Variants in DOCK8 observed in about 807,000 individuals in gnomAD.
The protein encoded by DOCK8 is dedicator of cytokinesis 8, also known as dedicator of cytokinesis protein 8.
Under a neutral mutation model 245.6 loss-of-function variants are expected in DOCK8, and 141 were observed. The ratio of observed to expected loss-of-function variants is 0.57; its 90% CI spans 0.50 to 0.66. The LOEUF is 0.66. DOCK8 is among the 30% of genes least tolerant of loss of function. The pLI, the probability that DOCK8 is intolerant of heterozygous loss-of-function variation, is 0.00. For synonymous variants in DOCK8, 1,168 were observed against 970.2 expected (o/e 1.20, Z -3.79); for missense variants, 2,965 against 2,603.4 (o/e 1.14, Z -3.02).
At chr9:414,231 A>G (rs1433793121) in intron 28 of DOCK8, among the ~76,000 whole-genome samples, 1 of 152,250 alleles carries the variant, frequency 6.6e-6, no homozygotes, top group Non-Finnish European at 1.5e-5. Context: ...TTGTATACAC[A>G]TACTCATAGC....
At chr9:230,486 A>G (rs1046381841) in intron 1 of DOCK8, among the ~76,000 whole-genome samples, 1 of 152,106 alleles carries the variant, frequency 6.6e-6, no homozygotes, top group Non-Finnish European at 1.5e-5. Flanking sequence ...ACTGACTTCC[A>G]CAATGGTTGA....
intron 46 of DOCK8, chr9:460,485 GT>G (rs2057769497): frequency 6.6e-6 from 1 of 152,076 alleles, no homozygotes. Flanking sequence ...GTAACTGTTA[GT>G]TAAGAAGCAA....
At chr9:432,077 T>G in intron 36 of DOCK8, 89 bp from the exon 37 acceptor site, 1 of 1,350,272 alleles carries the variant, frequency 7.4e-7, no homozygotes, top group Non-Finnish European at 1.0e-6. Flanking sequence ...CACTGAGGAG[T>G]TGTTTGTGTC....
rs771190987 is a variant in DOCK8 at position 376,321 on chromosome 9, G to T, written c.2205+16G>T. ...ACACACCCAGGTAAGGAATGTCAAG[G>T]TTAATCATGAAGGTAAAGGTGCAGC... On this transcript the variant is annotated intron_variant, in intron 19 of 47. Transcript: ENST00000432829. The T allele has an allele frequency of 1.3e-6, 2 of 1,569,096 alleles. No individual in the cohort carries two copies. Among genetic ancestry groups the T allele is most frequent in the Non-Finnish European group, 1.8e-6 (2 of 1,138,838 alleles).
chr9:433,946 T>C lies in DOCK8; in HGVS notation c.4857T>C (p.Asp1619=). ...TGAAAATGAGGGAATTTCAGGAAGA[T>C]CCTGAGATGCTTATGGATCTCATGT... The part of the protein sequence containing the change: ...DTVKMREFQE[D]PEMLMDLMYR... The change falls in exon 38 of 48, where the codon GAT becomes GAC. Residue 1619 remains aspartate (D), a synonymous_variant. Transcript: ENST00000432829. 1 of 1,614,082 alleles carries C rather than the reference T, an allele frequency of 6.2e-7. No homozygotes were observed. Among genetic ancestry groups the C allele is most frequent in the Non-Finnish European group, 8.5e-7 (1 of 1,179,930 alleles).
intron 5 of DOCK8, among the ~76,000 whole-genome samples, chr9:310,683 A>T (rs111568018): frequency 4.6e-5 from 7 of 151,740 alleles, no homozygotes; most frequent in African/African-American, 1.7e-4. Context: ...CTGATCTTGA[A>T]CTCCTGACCT....
chr9:333,661 A>G (rs892017760), intron 10 of DOCK8, among the ~76,000 whole-genome samples: 1 of 151,910 alleles, frequency 6.6e-6, no homozygotes, highest in African/African-American at 2.4e-5. Flanking sequence ...TGTACTCTAC[A>G]GACTCATAAA....
chr9:406,876 C>G, intron 27 of DOCK8, 54 bp from the exon 28 acceptor site: 2 of 1,613,108 alleles, frequency 1.2e-6, no homozygotes, highest in Non-Finnish European at 1.7e-6. Context: ...CTGGCCATCG[C>G]TATTTTCATT....
rs1306377369 is a variant in DOCK8 at position 400,310 on chromosome 9, TCACCACCACCTCCACCAC to T, written c.3234+1059_3234+1076del. ...TTCACCACCACCACCATCTTCACCG[TCACCACCACCTCCACCAC>T]CACCACCTCCTCCACCACCACCACC... On this transcript the variant is annotated intron_variant, in intron 26 of 47. Transcript: ENST00000432829. Among the ~76,000 whole-genome samples, 29 of 13,806 alleles carry T rather than the reference TCACCACCACCTCCACCAC, an allele frequency of 2.1e-3. 4 individuals are homozygous for T. Among genetic ancestry groups the T allele is most frequent in the South Asian group, 2.4e-3 (1 of 414 alleles). 9.1% of individuals were successfully genotyped at this position (13,806 alleles called of 152,430 possible).
intron 46 of DOCK8, chr9:456,817 A>T (rs759353534): frequency 6.6e-6 from 1 of 152,048 alleles, no homozygotes; most frequent in African/African-American, 2.4e-5. Context: ...TAGATTTTTA[A>T]ATTTTCTTCT....
In DOCK8 at chr9:242,753, C is replaced by G. The variant is rs1436681317; in HGVS notation, c.53+27724C>G. ...AATCATTGCCACCAACGAGTCAAAA[C>G]TTACTTGTTGCTGGAACATGGTTTC... On this transcript the variant is annotated intron_variant, in intron 1 of 47. Transcript: ENST00000432829. 4.0e-5 allele frequency among the ~76,000 whole-genome samples: 6 copies of G among 151,878 alleles called. No individual in the cohort carries two copies. The South Asian group carries it at 8.3e-4, about 21-fold the overall frequency.
At chr9:401,260 G>A (rs1056231000) in intron 26 of DOCK8, among the ~76,000 whole-genome samples, 1 of 152,228 alleles carries the variant, frequency 6.6e-6, no homozygotes, top group East Asian at 1.9e-4. Flanking sequence ...ACCATAAAAA[G>A]CAGTGACATA....
intron 35 of DOCK8, 70 bp from the exon 36 acceptor site, chr9:429,632 A>T: frequency 1.3e-6 from 2 of 1,577,326 alleles, no homozygotes; most frequent in South Asian, 2.2e-5. Context: ...GGACATTTGC[A>T]TATTTCAACG....
At chr9:249,265 A>G (rs570393634) in intron 1 of DOCK8, among the ~76,000 whole-genome samples, 2 of 151,716 alleles carry the variant, frequency 1.3e-5, no homozygotes, top group South Asian at 2.1e-4. Context: ...TGCCACGCCC[A>G]GTTCTTTTGT....
intron 14 of DOCK8, among the ~76,000 whole-genome samples, chr9:357,310 TAAG>T (rs1242964189): frequency 6.6e-6 from 1 of 152,200 alleles, no homozygotes; most frequent in Non-Finnish European, 1.5e-5. Flanking sequence ...TTAGTAGTAA[TAAG>T]AGTTGTGCTG....
intron 40 of DOCK8, 150 bp from the exon 41 acceptor site, chr9:441,136 G>A: frequency 9.0e-7 from 1 of 1,116,820 alleles, no homozygotes; most frequent in Non-Finnish European, 1.3e-6. Context: ...TGTCCCAAAA[G>A]TGCTCAGATA....
intron 14 of DOCK8, among the ~76,000 whole-genome samples, chr9:353,079 G>A (rs1190020606): frequency 6.6e-6 from 1 of 152,188 alleles, no homozygotes; most frequent in African/African-American, 2.4e-5. Flanking sequence ...GGAGGGGACT[G>A]CCTGTCTTGG....
At chr9:398,908 A>G (rs557712783) in intron 25 of DOCK8, among the ~76,000 whole-genome samples, 34 of 152,268 alleles carry the variant, frequency 2.2e-4, no homozygotes, top group African/African-American at 7.9e-4. Context: ...ATGCATGTAG[A>G]AAAAAAAGTG....
intron 5 of DOCK8, 93 bp from the exon 6 acceptor site, chr9:311,861 C>A: frequency 6.7e-7 from 1 of 1,503,516 alleles, no homozygotes; most frequent in South Asian, 1.1e-5. Context: ...TCTGTAGTCC[C>A]AAATTGGAGC....
Sources: allele counts gnomAD v4.1 joint callset (sites outside exome capture counted in the v4.1 genomes callset), GRCh38; gene constraint gnomAD v4.1.1; transcripts MANE v1.5; gene names NCBI Gene and HGNC (gene_info 2026-07-23, HGNC 2026-07-21).